The following EDIL3 variants were observed in gnomAD, a reference collection of about 807,000 sequenced individuals.
EDIL3 encodes EGF-like repeat and discoidin I-like domain-containing protein 3.
EDIL3 carries 37 observed loss-of-function variants against 67.4 expected under a neutral mutation model. That is an observed-to-expected ratio of 0.55 (90% confidence interval 0.42 to 0.72). EDIL3 has a LOEUF of 0.72. Among genes scored for constraint, EDIL3 ranks in the 30% least tolerant of loss-of-function variants. The pLI is 0.00. For missense variants in EDIL3, 527 were observed against 586.3 expected, an observed-to-expected ratio of 0.90 and a Z score of 1.04; for synonymous variants, 195 against 196.3, an observed-to-expected ratio of 0.99 and a Z score of 0.05.
chr5:84,067,422 C>T (rs1041632745), intron 6 of EDIL3, among the ~76,000 whole-genome samples: 3 of 152,002 alleles, frequency 2.0e-5, no homozygotes, highest in Non-Finnish European at 2.9e-5. Flanking sequence ...ATATAGTAAA[C>T]ATTAAAATTT....
At chr5:83,973,093 A>T (rs1394360889) in intron 9 of EDIL3, among the ~76,000 whole-genome samples, 1 of 152,092 alleles carries the variant, frequency 6.6e-6, no homozygotes, top group African/African-American at 2.4e-5. Context: ...ACTGAAAGTG[A>T]CTTTCTGCTG....
chr5:84,365,837 T>C (rs1310003882), intron 1 of EDIL3, among the ~76,000 whole-genome samples: 1 of 152,180 alleles, frequency 6.6e-6, no homozygotes, highest in Non-Finnish European at 1.5e-5. Flanking sequence ...ATTGAGGACC[T>C]GTATTGTGCC....
intron 2 of EDIL3, among the ~76,000 whole-genome samples, chr5:84,234,159 A>C (rs189057634): frequency 6.6e-6 from 1 of 152,332 alleles, no homozygotes; most frequent in African/African-American, 2.4e-5. Flanking sequence ...AAGTACACAC[A>C]GCCTCAGGCT....
At chr5:84,253,123 T>C (rs1231883564) in intron 2 of EDIL3, among the ~76,000 whole-genome samples, 5 of 152,164 alleles carry the variant, frequency 3.3e-5, no homozygotes, top group South Asian at 2.1e-4. Flanking sequence ...CATAAGGTAA[T>C]TAAGTTAGGT....
chr5:84,220,571 C>A (rs1392738135), intron 3 of EDIL3, among the ~76,000 whole-genome samples: 2 of 151,898 alleles, frequency 1.3e-5, no homozygotes, highest in Non-Finnish European at 2.9e-5. Context: ...ATGTTATGAC[C>A]ATGATTTCCA....
intron 6 of EDIL3, among the ~76,000 whole-genome samples, chr5:84,070,606 A>AGTGTGTGTGTGTGTGT (rs35930293): frequency 2.8e-5 from 4 of 144,740 alleles, no homozygotes; most frequent in African/African-American, 1.0e-4. Flanking sequence ...TATGGTTAAG[A>AGTGTGTGTGTGTGTGT]GTGTGTGTGT....
At chr5:84,317,295 C>A (rs1746533354) in intron 1 of EDIL3, among the ~76,000 whole-genome samples, 1 of 152,054 alleles carries the variant, frequency 6.6e-6, no homozygotes, top group African/African-American at 2.4e-5. Flanking sequence ...ACACAAAAAA[C>A]CCTTCAACAA....
At chr5:84,229,811 C>T in intron 3 of EDIL3, 44 bp downstream of exon 3, 7 of 1,560,496 alleles carry the variant, frequency 4.5e-6, no homozygotes, top group South Asian at 1.2e-5. Flanking sequence ...TTATTAAAGG[C>T]ATGACATTAA....
intron 6 of EDIL3, among the ~76,000 whole-genome samples, chr5:84,073,212 T>G (rs1357825355): frequency 6.6e-6 from 1 of 152,114 alleles, no homozygotes; most frequent in East Asian, 1.9e-4. Flanking sequence ...TAATAAGGGC[T>G]ATCTATGACA....
chr5:83,961,116 T>C (rs1305339237), intron 10 of EDIL3, among the ~76,000 whole-genome samples: 1 of 150,972 alleles, frequency 6.6e-6, no homozygotes, highest in Non-Finnish European at 1.5e-5. Flanking sequence ...GAGCAAAAAA[T>C]AGTACCAGGG....
At chr5:84,094,256 C>T (rs1306637424) in intron 6 of EDIL3, among the ~76,000 whole-genome samples, 1 of 151,940 alleles carries the variant, frequency 6.6e-6, no homozygotes, top group Non-Finnish European at 1.5e-5. Context: ...ATAAACAATT[C>T]AAATAGAAAT....
chr5:84,149,534 C>A (rs1231182489), intron 4 of EDIL3, among the ~76,000 whole-genome samples: 1 of 152,068 alleles, frequency 6.6e-6, no homozygotes, highest in Non-Finnish European at 1.5e-5. Flanking sequence ...CAAACTGTTT[C>A]CAAATAACCT....
chr5:84,087,401 T>C (rs773865423), intron 6 of EDIL3, among the ~76,000 whole-genome samples: 2 of 152,202 alleles, frequency 1.3e-5, no homozygotes, highest in East Asian at 3.8e-4. Context: ...GAACATCCTC[T>C]TCCTTCACCA....
chr5:84,202,873 C>T (rs1433115209), intron 3 of EDIL3, among the ~76,000 whole-genome samples: 4 of 152,000 alleles, frequency 2.6e-5, no homozygotes, highest in Admixed American at 2.6e-4. Context: ...TTTACCATTC[C>T]ACTGGAAGAA....
At position 84,262,228 on chromosome 5, in the gene EDIL3, A is replaced by G. The variant is rs138537310; in HGVS notation, c.68-8016T>C. Among the ~76,000 whole-genome samples, 47 of 152,294 alleles carry G rather than the reference A, an allele frequency of 3.1e-4. No individual in the cohort carries two copies. In the East Asian group the frequency reaches 8.3e-3, roughly 27 times the overall value. ...CAAATATCTCATGCCCAGTCCAGTTAAATCAGAATCTCTGGGGATGGTTCC... is the reference window on the plus strand; with the variant it reads ...CAAATATCTCATGCCCAGTCCAGTTGAATCAGAATCTCTGGGGATGGTTCC... On this transcript the variant is annotated intron_variant, in intron 1 of 10. Coordinates refer to ENST00000296591, the MANE Select transcript of EDIL3 (RefSeq NM_005711.5).
At chr5:84,372,494 G>A (rs1302083426) in intron 1 of EDIL3, among the ~76,000 whole-genome samples, 3 of 152,130 alleles carry the variant, frequency 2.0e-5, no homozygotes, top group African/African-American at 2.4e-5. Context: ...GACATTCCTA[G>A]TAACCTAAAC....
intron 5 of EDIL3, among the ~76,000 whole-genome samples, chr5:84,130,674 A>T (rs923771789): frequency 2.0e-5 from 3 of 152,120 alleles, no homozygotes; most frequent in African/African-American, 7.2e-5. Flanking sequence ...CTTTTTAAGA[A>T]AATACTGGAA....
rs747971023 is a variant in EDIL3 at position 84,035,333 on chromosome 5, A to T, written c.1137+24967T>A. On this transcript the variant is annotated intron_variant, in intron 9 of 10. Coordinates refer to ENST00000296591, the MANE Select transcript of EDIL3 (RefSeq NM_005711.5). ...TCATAATTTCATTTCCCTTCTTTCC[A>T]ATTCTTATTGCACAAACTTTTCAGT... Among the ~76,000 whole-genome samples the T allele has an allele frequency of 2.2e-4, 33 of 152,176 alleles. 1 individual carries two copies. Among genetic ancestry groups the T allele is most frequent in the Admixed American group, 1.3e-3 (20 of 15,282 alleles).
intron 9 of EDIL3, among the ~76,000 whole-genome samples, chr5:83,992,961 G>A (rs759119254): frequency 4.6e-5 from 7 of 151,956 alleles, no homozygotes; most frequent in Non-Finnish European, 1.0e-4. Flanking sequence ...TTTTGGTTCA[G>A]ATTTAGTGCC....
Sources: allele counts gnomAD v4.1 joint callset (sites outside exome capture counted in the v4.1 genomes callset), GRCh38; gene constraint gnomAD v4.1.1; transcripts MANE v1.5; gene names NCBI Gene and HGNC (gene_info 2026-07-23, HGNC 2026-07-21).